ANKRD20A1: variants seen among roughly 807,000 people sequenced by gnomAD.
ANKRD20A1 encodes the protein ankyrin repeat domain 20 family member A1.
ANKRD20A1 carries 2 observed loss-of-function variants against 50.9 expected under a neutral mutation model. That is an observed-to-expected ratio of 0.04 (90% CI 0.02 to 0.12). The LOEUF (loss-of-function observed/expected upper bound fraction) is 0.12, where lower values mean the gene tolerates loss of function less well. Among genes scored for constraint, ANKRD20A1 ranks in the 10% least tolerant of loss-of-function variants. The pLI is 1.00. For missense variants in ANKRD20A1, 31 were observed against 548.1 expected, an observed-to-expected ratio of 0.06 and a Z score of 9.42; for synonymous variants, 10 against 186.2, an observed-to-expected ratio of 0.05 and a Z score of 7.70.
At chr9:67,893,936 C>T (rs1226908936) in intron 12 of ANKRD20A1, among the ~76,000 whole-genome samples, 1 of 152,418 alleles carries the variant, frequency 6.6e-6, no homozygotes, top group East Asian at 1.9e-4. Flanking sequence ...GCCAGTGGTT[C>T]AAATGTTGCA....
intron 11 of ANKRD20A1, among the ~76,000 whole-genome samples, chr9:67,891,405 G>A (rs1395268754): frequency 9.4e-6 from 1 of 106,658 alleles, no homozygotes; most frequent in Non-Finnish European, 2.0e-5. Flanking sequence ...GTAAATACAA[G>A]TAACTGAAAC....
chr9:67,861,046 G>A (rs1827496076), intron 1 of ANKRD20A1, among the ~76,000 whole-genome samples: 1 of 42,034 alleles, frequency 2.4e-5, no homozygotes, highest in Non-Finnish European at 4.6e-5. Flanking sequence ...CTGAGCATTT[G>A]TATTTTAAGT....
At chr9:67,882,354 C>A (rs1401186933) in intron 8 of ANKRD20A1, among the ~76,000 whole-genome samples, 36 of 149,686 alleles carry the variant, frequency 2.4e-4, no homozygotes, top group African/African-American at 8.7e-4. Flanking sequence ...ATATAATAAA[C>A]CTAATGTAGC....
At position 67,882,378 on chromosome 9, in the gene ANKRD20A1, T is replaced by C. The variant is rs1328848180; in HGVS notation, c.894+1833T>C. Among the ~76,000 whole-genome samples the C allele has an allele frequency of 4.7e-5, 7 of 147,538 alleles. No individual in the cohort carries two copies. In the East Asian group the frequency reaches 1.5e-3, roughly 32 times the overall value. On this transcript the variant is annotated intron_variant, in intron 8 of 14. Coordinates refer to ENST00000562196, the MANE Select transcript of ANKRD20A1 (RefSeq NM_032250.5). ...ACCTAATGTAGCTAATAATTAAATA[T>C]TGTATTTAAAATATTGCTTACATTG...
intron 8 of ANKRD20A1, among the ~76,000 whole-genome samples, chr9:67,881,734 G>A (rs1191080939): frequency 6.6e-6 from 1 of 151,598 alleles, no homozygotes; most frequent in African/African-American, 2.4e-5. Context: ...GGCGGAGGTT[G>A]CAGTGAGCCA....
intron 8 of ANKRD20A1, among the ~76,000 whole-genome samples, chr9:67,883,101 G>T (rs2131556993): frequency 6.6e-6 from 1 of 151,302 alleles, no homozygotes. Context: ...AAACATACGT[G>T]TGCATGTGTC....
intron 8 of ANKRD20A1, 127 bp from the exon 9 acceptor site, chr9:67,884,359 A>G: frequency 1.1e-6 from 1 of 917,640 alleles, no homozygotes; most frequent in South Asian, 1.7e-5. Flanking sequence ...AGCCATAATC[A>G]GGCCCCTGCA....
intron 3 of ANKRD20A1, among the ~76,000 whole-genome samples, chr9:67,865,425 T>A (rs1827546450): frequency 9.4e-6 from 1 of 105,930 alleles, no homozygotes; most frequent in Non-Finnish European, 2.0e-5. Flanking sequence ...TATGAGAGCC[T>A]GAATTTTTGG....
intron 6 of ANKRD20A1, among the ~76,000 whole-genome samples, chr9:67,873,246 CACTTTTTCATTTTTTTTCTAGAA>C (rs1827681863): frequency 6.9e-6 from 1 of 145,234 alleles, no homozygotes; most frequent in African/African-American, 2.5e-5. Context: ...GAAAATTGAC[CACTTTTTCATTTTTTTTCTAGAA>C]ACATTCATAT....
rs1319676734 is a variant in ANKRD20A1 at position 67,881,710 on chromosome 9, G to A, written c.894+1165G>A. On this transcript the variant is annotated intron_variant, in intron 8 of 14. Transcript: ENST00000562196. Reference sequence around the variant, plus strand: ...CTCAGGAGGCCAAGGTGGGAGAATCGCTTGAACCCGGGAGGCGGAGGTTGC... The same window carrying A: ...CTCAGGAGGCCAAGGTGGGAGAATCACTTGAACCCGGGAGGCGGAGGTTGC... Among the ~76,000 whole-genome samples the A allele has an allele frequency of 9.5e-4, 144 of 150,866 alleles. No individual in the cohort carries two copies. In the South Asian group the frequency reaches 0.021, roughly 22 times the overall value.
At chr9:67,881,525 T>G (rs1587601535) in intron 8 of ANKRD20A1, among the ~76,000 whole-genome samples, 1 of 151,718 alleles carries the variant, frequency 6.6e-6, no homozygotes, top group Non-Finnish European at 1.5e-5. Context: ...CCAGCAGTTT[T>G]GGAGGCCGAG....
At chr9:67,881,540 G>T (rs1434600660) in intron 8 of ANKRD20A1, among the ~76,000 whole-genome samples, 1 of 151,982 alleles carries the variant, frequency 6.6e-6, no homozygotes, top group African/African-American at 2.4e-5. Context: ...GCCGAGGTCG[G>T]TAGATCACCT....
chr9:67,894,748 C>A (rs1827991373), intron 12 of ANKRD20A1, among the ~76,000 whole-genome samples: 2 of 62,712 alleles, frequency 3.2e-5, no homozygotes, highest in East Asian at 1.3e-3. Context: ...ATTTGTTTTC[C>A]ATTTTGCACC....
At chr9:67,872,698 G>A (rs968555402) in intron 6 of ANKRD20A1, among the ~76,000 whole-genome samples, 3 of 132,892 alleles carry the variant, frequency 2.3e-5, no homozygotes, top group African/African-American at 8.4e-5. Context: ...TATCATAGGA[G>A]ATGGGGTCTC....
At chr9:67,888,810 CCTTGA>C (rs1321921872) in intron 11 of ANKRD20A1, among the ~76,000 whole-genome samples, 7 of 152,048 alleles carry the variant, frequency 4.6e-5, no homozygotes, top group African/African-American at 1.7e-4. Flanking sequence ...TTGCTCTTTT[CCTTGA>C]CTTGTCTTAA....
chr9:67,868,800 A>T (rs1587597070), intron 5 of ANKRD20A1, among the ~76,000 whole-genome samples: 1 of 60,490 alleles, frequency 1.7e-5, no homozygotes, highest in Non-Finnish European at 3.6e-5. Context: ...TCTCAATGTT[A>T]TTCATTTTAT....
At chr9:67,882,409 T>C (rs1472064859) in intron 8 of ANKRD20A1, among the ~76,000 whole-genome samples, 1 of 140,948 alleles carries the variant, frequency 7.1e-6, no homozygotes, top group East Asian at 2.5e-4. Context: ...CATTGTATTT[T>C]TTAATATTTA....
intron 4 of ANKRD20A1, among the ~76,000 whole-genome samples, chr9:67,867,594 G>A (rs28385544): frequency 6.6e-6 from 1 of 152,286 alleles, no homozygotes; most frequent in Non-Finnish European, 1.5e-5. Flanking sequence ...ACAGTGTTTG[G>A]TATTTATAAT....
chr9:67,885,428 T>C (rs1388083804), intron 9 of ANKRD20A1, among the ~76,000 whole-genome samples: 4 of 152,294 alleles, frequency 2.6e-5, no homozygotes, highest in Non-Finnish European at 4.4e-5. Context: ...CTACCATAGA[T>C]GAACATCACC....
Sources: allele counts gnomAD v4.1 joint callset (sites outside exome capture counted in the v4.1 genomes callset), GRCh38; gene constraint gnomAD v4.1.1; transcripts MANE v1.5; gene names NCBI Gene and HGNC (gene_info 2026-07-23, HGNC 2026-07-21).